Variants in DSCAM observed in about 807,000 individuals in gnomAD.
DSCAM encodes cell adhesion molecule DSCAM.
A neutral mutation model predicts 217.7 loss-of-function variants in DSCAM; 47 were observed. The observed-to-expected ratio is 0.22, with a 90% CI of 0.17 to 0.28. DSCAM has a LOEUF of 0.28. Among genes scored for constraint, DSCAM ranks in the 10% least tolerant of loss-of-function variants. The pLI is 1.00. For synonymous variants in DSCAM, 1,056 were observed against 1,015.3 expected (o/e 1.04, Z -0.76); for missense variants, 2,080 against 2,618.3 (o/e 0.79, Z 4.49).
At chr21:40,283,804 T>C (rs528698688) in intron 10 of DSCAM, among the ~76,000 whole-genome samples, 218 of 152,172 alleles carry the variant, frequency 1.4e-3, no homozygotes, top group Non-Finnish European at 1.5e-3. Flanking sequence ...TGTATGAATG[T>C]GGGTATAAAT....
intron 1 of DSCAM, among the ~76,000 whole-genome samples, chr21:40,734,462 A>G (rs1369991946): frequency 2.0e-5 from 3 of 152,222 alleles, no homozygotes; most frequent in African/African-American, 7.2e-5. Flanking sequence ...CACCTTGAGA[A>G]AGGCCTCTTT....
chr21:40,804,728 T>C (rs1251351768), intron 1 of DSCAM, among the ~76,000 whole-genome samples: 1 of 152,204 alleles, frequency 6.6e-6, no homozygotes, highest in Non-Finnish European at 1.5e-5. Context: ...ATGGATTCTG[T>C]CCTAGGCCTT....
At chr21:40,615,865 T>C (rs1221598223) in intron 3 of DSCAM, among the ~76,000 whole-genome samples, 6 of 152,044 alleles carry the variant, frequency 3.9e-5, no homozygotes. Context: ...ATGCATATCA[T>C]TAAAGGCCAC....
rs532182491 is a variant in DSCAM at position 40,112,994 on chromosome 21, G to A, written c.3696+11201C>T. 5.9e-5 allele frequency among the ~76,000 whole-genome samples: 9 copies of A among 152,264 alleles called. 1 individual carries two copies. Among genetic ancestry groups the A allele is most frequent in the Admixed American group, 2.6e-4 (4 of 15,300 alleles). On this transcript the variant is annotated intron_variant, in intron 20 of 32. Transcript: ENST00000400454. ...CCAAATTCTACCAGAGGTACAAGGA[G>A]GAGCTGGTACCATTCCTTCTGAAAC...
Position 40,432,171 on chromosome 21 carries a change from C to T in DSCAM, c.509-62926G>A, listed in dbSNP as rs529315971. On this transcript the variant is annotated intron_variant, in intron 3 of 32. Coordinates refer to ENST00000400454, the MANE Select transcript of DSCAM (RefSeq NM_001389.5). ...GAGATCGTGCCATTGCACTTCAGTCCGGGCAACAGCATGAGACTCTGCCTC... is the reference window on the plus strand; with the variant it reads ...GAGATCGTGCCATTGCACTTCAGTCTGGGCAACAGCATGAGACTCTGCCTC... Among the ~76,000 whole-genome samples, 15 of 151,360 alleles carry T rather than the reference C, an allele frequency of 9.9e-5. No homozygotes were observed. The South Asian group carries it at 2.9e-3, about 30-fold the overall frequency.
chr21:40,176,041 T>C (rs2090726147), intron 15 of DSCAM, among the ~76,000 whole-genome samples: 1 of 151,800 alleles, frequency 6.6e-6, no homozygotes, highest in Non-Finnish European at 1.5e-5. Flanking sequence ...GAAGACATGA[T>C]GATACACCTC....
chr21:40,677,859 C>T (rs2090358316), intron 3 of DSCAM, among the ~76,000 whole-genome samples: 1 of 152,234 alleles, frequency 6.6e-6, no homozygotes, highest in South Asian at 2.1e-4. Flanking sequence ...AATCTACCCA[C>T]CTCCTTGATC....
At chr21:40,234,330 T>G (rs979423137) in intron 11 of DSCAM, among the ~76,000 whole-genome samples, 1 of 152,242 alleles carries the variant, frequency 6.6e-6, no homozygotes, top group African/African-American at 2.4e-5. Flanking sequence ...TTAACATCTC[T>G]GAGCCACACA....
At chr21:40,502,817 A>G (rs2076180312) in intron 3 of DSCAM, among the ~76,000 whole-genome samples, 1 of 152,228 alleles carries the variant, frequency 6.6e-6, no homozygotes, top group Admixed American at 6.5e-5. Context: ...AGGTCTGGCA[A>G]CTAAGCCACA....
At chr21:40,243,669 T>G (rs2073183842) in intron 11 of DSCAM, among the ~76,000 whole-genome samples, 2 of 152,194 alleles carry the variant, frequency 1.3e-5, no homozygotes, top group African/African-American at 2.4e-5. Flanking sequence ...ATCCTAGATT[T>G]TTTGCTCCTC....
chr21:40,394,564 C>T (rs1450237076), intron 3 of DSCAM, among the ~76,000 whole-genome samples: 2 of 152,224 alleles, frequency 1.3e-5, no homozygotes, highest in African/African-American at 2.4e-5. Context: ...CAGCTTTTTG[C>T]TTCCCTGAGT....
intron 8 of DSCAM, among the ~76,000 whole-genome samples, chr21:40,324,119 A>G (rs1287369239): frequency 1.4e-5 from 2 of 143,500 alleles, no homozygotes; most frequent in East Asian, 2.0e-4. Context: ...AAAAAAAAAA[A>G]AAAAAAAAAA....
At chr21:40,642,567 G>A (rs1164726296) in intron 3 of DSCAM, among the ~76,000 whole-genome samples, 1 of 152,056 alleles carries the variant, frequency 6.6e-6, no homozygotes. Flanking sequence ...AAGCTCTCCT[G>A]TAATTCTATT....
At chr21:40,290,936 G>C (rs2123430374) in intron 10 of DSCAM, among the ~76,000 whole-genome samples, 2 of 152,308 alleles carry the variant, frequency 1.3e-5, no homozygotes, top group East Asian at 3.9e-4. Context: ...TCTAAGCTCT[G>C]ACAATGCAGA....
At chr21:40,448,285 C>G (rs2075691249) in intron 3 of DSCAM, among the ~76,000 whole-genome samples, 1 of 152,136 alleles carries the variant, frequency 6.6e-6, no homozygotes, top group African/African-American at 2.4e-5. Flanking sequence ...CAATGAAGGC[C>G]CAAATAGAAC....
chr21:40,693,278 T>C (rs542738358), intron 2 of DSCAM, among the ~76,000 whole-genome samples: 12 of 151,992 alleles, frequency 7.9e-5, no homozygotes, highest in African/African-American at 2.9e-4. Flanking sequence ...CTACTAAAAA[T>C]ACAAAAAAAT....
chr21:40,819,954 G>T (rs2091912271), intron 1 of DSCAM, among the ~76,000 whole-genome samples: 2 of 152,128 alleles, frequency 1.3e-5, no homozygotes, highest in Non-Finnish European at 2.9e-5. Flanking sequence ...TCATCATCAG[G>T]AATGGGATAA....
chr21:40,843,041 T>C (rs922980547), intron 1 of DSCAM, among the ~76,000 whole-genome samples: 2 of 152,208 alleles, frequency 1.3e-5, no homozygotes, highest in African/African-American at 2.4e-5. Context: ...GAGGCAGCCC[T>C]GAAATTGTTC....
intron 9 of DSCAM, among the ~76,000 whole-genome samples, chr21:40,305,491 T>C (rs1212562654): frequency 2.0e-5 from 3 of 151,948 alleles, no homozygotes; most frequent in Non-Finnish European, 4.4e-5. Flanking sequence ...TTGCTTTTGG[T>C]GTTTTAGACA....
Sources: gnomAD v4.1 joint callset for allele counts (sites outside exome capture counted in the v4.1 genomes callset) on GRCh38, gnomAD v4.1.1 for gene constraint, MANE v1.5 for transcripts, NCBI Gene and HGNC (gene_info 2026-07-23, HGNC 2026-07-21) for gene names.